Variants in RBMS3 observed in about 807,000 individuals in gnomAD.
RBMS3 encodes the protein RNA binding motif single stranded interacting protein 3, also known as RNA-binding motif, single-stranded-interacting protein 3.
A neutral mutation model predicts 66.8 loss-of-function variants in RBMS3; 27 were observed. The observed-to-expected ratio is 0.40, with a 90% CI of 0.30 to 0.56. The LOEUF (loss-of-function observed/expected upper bound fraction) is 0.56. RBMS3 is among the 20% of genes least tolerant of loss of function. RBMS3 has a pLI of 0.40. For synonymous variants in RBMS3, 188 were observed against 183.0 expected (o/e 1.03, Z -0.22); for missense variants, 513 against 549.5 (o/e 0.93, Z 0.66).
chr3:29,611,689 G>C (rs1007717017), intron 4 of RBMS3, among the ~76,000 whole-genome samples: 3 of 151,966 alleles, frequency 2.0e-5, no homozygotes, highest in African/African-American at 7.2e-5. Context: ...AAATTCTGTA[G>C]TCAAGGTTTC....
intron 4 of RBMS3, among the ~76,000 whole-genome samples, chr3:29,716,783 C>T (rs1418519279): frequency 2.6e-5 from 4 of 152,056 alleles, no homozygotes; most frequent in East Asian, 1.9e-4. Flanking sequence ...GTCCCACTTA[C>T]GCTGATAGAT....
At chr3:29,306,331 A>G (rs184703545) in intron 1 of RBMS3, among the ~76,000 whole-genome samples, 26 of 152,030 alleles carry the variant, frequency 1.7e-4, no homozygotes, top group Non-Finnish European at 2.9e-4. Flanking sequence ...TATCCATGTT[A>G]TCTTTAGTAT....
At chr3:29,526,824 C>T (rs543733599) in intron 3 of RBMS3, among the ~76,000 whole-genome samples, 1 of 151,818 alleles carries the variant, frequency 6.6e-6, no homozygotes, top group African/African-American at 2.4e-5. Flanking sequence ...CCAATTCCTC[C>T]CTCTCTTTCT....
intron 1 of RBMS3, among the ~76,000 whole-genome samples, chr3:29,377,437 T>G (rs1301521114): frequency 6.6e-6 from 1 of 152,168 alleles, no homozygotes; most frequent in African/African-American, 2.4e-5. Context: ...AAACTGCGAT[T>G]AATTTTTGCC....
At chr3:29,971,561 T>A in intron 12 of RBMS3, among the ~76,000 whole-genome samples, 1 of 152,104 alleles carries the variant, frequency 6.6e-6, no homozygotes, top group East Asian at 1.9e-4. Flanking sequence ...TTTAACGGAC[T>A]TTATTCTCCT....
chr3:29,763,906 G>A (rs1272049759), intron 6 of RBMS3, among the ~76,000 whole-genome samples: 1 of 152,010 alleles, frequency 6.6e-6, no homozygotes, highest in Non-Finnish European at 1.5e-5. Context: ...GGAGACTAAG[G>A]CGACTTCTTC....
intron 3 of RBMS3, among the ~76,000 whole-genome samples, chr3:29,559,161 T>A (rs1211786001): frequency 6.6e-6 from 1 of 152,126 alleles, no homozygotes; most frequent in Non-Finnish European, 1.5e-5. Flanking sequence ...TATATCCTTA[T>A]AGTTAAATAT....
At chr3:29,363,724 A>G (rs1328002989) in intron 1 of RBMS3, among the ~76,000 whole-genome samples, 1 of 151,138 alleles carries the variant, frequency 6.6e-6, no homozygotes, top group East Asian at 2.0e-4. Flanking sequence ...CAGGAGGCGG[A>G]GGTTGTGGTG....
chr3:29,990,864 A>G (rs3773124), intron 13 of RBMS3, among the ~76,000 whole-genome samples: 37,636 of 152,016 alleles, frequency 0.25, 4,761 homozygotes, highest in East Asian at 0.39. Context: ...CTACTCCAAC[A>G]ACTTCTAATG....
At chr3:29,333,542 G>A (rs1219606487) in intron 1 of RBMS3, among the ~76,000 whole-genome samples, 1 of 152,090 alleles carries the variant, frequency 6.6e-6, no homozygotes, top group African/African-American at 2.4e-5. Context: ...CAACCTACAG[G>A]GCAGTTTAAA....
intron 10 of RBMS3, among the ~76,000 whole-genome samples, chr3:29,907,471 T>C (rs977969848): frequency 4.6e-5 from 7 of 151,882 alleles, no homozygotes; most frequent in African/African-American, 1.5e-4. Context: ...TAATCAAAGT[T>C]TTTTTGAAAC....
intron 1 of RBMS3, among the ~76,000 whole-genome samples, chr3:29,386,652 A>G (rs1224615735): frequency 6.6e-6 from 1 of 152,210 alleles, no homozygotes; most frequent in Admixed American, 6.5e-5. Context: ...CAGCATACAG[A>G]CATGCTGCAA....
At chr3:29,661,113 G>A (rs2050528456) in intron 4 of RBMS3, among the ~76,000 whole-genome samples, 1 of 152,148 alleles carries the variant, frequency 6.6e-6, no homozygotes, top group African/African-American at 2.4e-5. Flanking sequence ...AGCTGCTATT[G>A]AGTATATGCT....
intron 4 of RBMS3, among the ~76,000 whole-genome samples, chr3:29,737,143 C>T (rs2149345156): frequency 6.6e-6 from 1 of 152,062 alleles, no homozygotes; most frequent in South Asian, 2.1e-4. Flanking sequence ...GGCTGTCTAA[C>T]TTTTTGTATT....
At chr3:29,630,388 A>G (rs1419670762) in intron 4 of RBMS3, among the ~76,000 whole-genome samples, 1 of 152,020 alleles carries the variant, frequency 6.6e-6, no homozygotes. Flanking sequence ...ATAGATTTCT[A>G]TTATTCCAAA....
chr3:29,598,598 A>G (rs371828034), intron 4 of RBMS3, among the ~76,000 whole-genome samples: 1 of 152,064 alleles, frequency 6.6e-6, no homozygotes, highest in Non-Finnish European at 1.5e-5. Flanking sequence ...AAACAAATAC[A>G]TATCAACCAT....
chr3:29,298,564 T>C (rs907502592), intron 1 of RBMS3, among the ~76,000 whole-genome samples: 5 of 151,778 alleles, frequency 3.3e-5, no homozygotes, highest in Admixed American at 6.6e-5. Flanking sequence ...AAGACAAAAA[T>C]ATTAAGGTAA....
rs74388665 is a variant in RBMS3 at position 29,603,945 on chromosome 3, G to A, written c.399+16740G>A. Among the ~76,000 whole-genome samples, 1,147 of 151,956 alleles carry A rather than the reference G, an allele frequency of 7.5e-3. 18 individuals carry two copies. The highest frequency in any genetic ancestry group is 0.026 in the African/African-American group (1,092 of 41,510). ...TGCTTTAGAGCCCTGGTTCTCAACT[G>A]CAACATCTATAAACATTTATGGTGG... On this transcript the variant is annotated intron_variant, in intron 4 of 14. Coordinates refer to ENST00000383767, the MANE Select transcript of RBMS3 (RefSeq NM_001003793.3).
At chr3:29,722,294 T>TA (rs541180815) in intron 4 of RBMS3, among the ~76,000 whole-genome samples, 4 of 151,610 alleles carry the variant, frequency 2.6e-5, no homozygotes, top group Non-Finnish European at 5.9e-5. Flanking sequence ...TAACATCTCT[T>TA]ACATTTGCTT....
Sources: gnomAD v4.1 joint callset for allele counts (sites outside exome capture counted in the v4.1 genomes callset) on GRCh38, gnomAD v4.1.1 for gene constraint, MANE v1.5 for transcripts, NCBI Gene and HGNC (gene_info 2026-07-23, HGNC 2026-07-21) for gene names.